RXRG: variants seen among roughly 807,000 people sequenced by gnomAD.
The protein encoded by RXRG is retinoic acid receptor RXR-gamma.
RXRG carries 19 observed loss-of-function variants against 49.2 expected under a neutral mutation model. The observed-to-expected ratio is 0.39, with a 90% CI of 0.27 to 0.57. The LOEUF (loss-of-function observed/expected upper bound fraction) is 0.57, where lower values mean the gene tolerates loss of function less well. Ranked by LOEUF, RXRG falls within the 20% of genes least tolerant of loss-of-function variation. The pLI, the probability that RXRG is intolerant of heterozygous loss-of-function variation, is 0.64. For synonymous variants in RXRG, 224 were observed against 216.6 expected, an observed-to-expected ratio of 1.03 and a Z score of -0.30; for missense variants, 452 against 592.5, an observed-to-expected ratio of 0.76 and a Z score of 2.46.
chr1:165,410,952 G>GA lies in RXRG; in HGVS notation c.779_780insT (p.Ser261LeufsTer4). ...ATGTGTGTCTAAGAGCACATACCGA[G>GA]TTCTCCATATTCATGTCACCATAGG... On this transcript the variant is annotated frameshift_variant, in exon 5 of 10. Transcript: ENST00000359842. LOFTEE classifies it high-confidence loss of function. The GA allele has an allele frequency of 6.2e-7, 1 of 1,614,058 alleles. No individual in the cohort carries two copies. The highest frequency in any genetic ancestry group is 8.5e-7 in the Non-Finnish European group (1 of 1,179,980).
At chr1:165,414,819 G>T (rs554863134) in intron 4 of RXRG, among the ~76,000 whole-genome samples, 1 of 152,194 alleles carries the variant, frequency 6.6e-6, no homozygotes, top group Non-Finnish European at 1.5e-5. Context: ...CAAGTATGAC[G>T]TAAGCACAGA....
At chr1:165,410,278 T>C (rs918203929) in intron 6 of RXRG, among the ~76,000 whole-genome samples, 1 of 151,948 alleles carries the variant, frequency 6.6e-6, no homozygotes, top group Non-Finnish European at 1.5e-5. Context: ...GTCCCAGAAA[T>C]AGGAGGCAAA....
intron 2 of RXRG, among the ~76,000 whole-genome samples, chr1:165,422,131 C>T (rs960987762): frequency 9.2e-5 from 14 of 152,136 alleles, no homozygotes; most frequent in Admixed American, 2.6e-4. Flanking sequence ...CCTTCTCCTC[C>T]GACCCTCAAC....
chr1:165,409,463 G>A (rs545840528), intron 7 of RXRG, 95 bp downstream of exon 7: 87 of 1,250,816 alleles, frequency 7.0e-5, no homozygotes, highest in Admixed American at 2.9e-4. Flanking sequence ...TCATGCCCAC[G>A]TGAGAATTCA....
At chr1:165,423,810 G>A (rs1658399559) in intron 2 of RXRG, among the ~76,000 whole-genome samples, 1 of 152,134 alleles carries the variant, frequency 6.6e-6, no homozygotes, top group African/African-American at 2.4e-5. Flanking sequence ...GCTTTCATCT[G>A]AAGAAAAGAC....
chr1:165,428,388 A>T (rs1039751658), intron 2 of RXRG, among the ~76,000 whole-genome samples: 1 of 152,226 alleles, frequency 6.6e-6, no homozygotes, highest in African/African-American at 2.4e-5. Context: ...GTGACTCAAT[A>T]AATGCTCATG....
intron 2 of RXRG, among the ~76,000 whole-genome samples, chr1:165,427,232 G>A (rs1658515030): frequency 6.6e-6 from 1 of 152,146 alleles, no homozygotes; most frequent in Non-Finnish European, 1.5e-5. Flanking sequence ...GGGGCAGCAG[G>A]GACTCTGGCT....
chr1:165,424,862 C>T (rs1007449174), intron 2 of RXRG: 2 of 985,528 alleles, frequency 2.0e-6, no homozygotes, highest in Middle Eastern at 5.2e-4. Flanking sequence ...GATCCAGAGT[C>T]CAGCTCACTG....
intron 4 of RXRG, among the ~76,000 whole-genome samples, chr1:165,411,576 G>A (rs1414722290): frequency 6.6e-6 from 1 of 152,146 alleles, no homozygotes; most frequent in African/African-American, 2.4e-5. Context: ...TCTGCCCCTA[G>A]TGCACCAGCT....
At chr1:165,411,286 G>A (rs930356871) in intron 4 of RXRG, among the ~76,000 whole-genome samples, 177 bp from the exon 5 acceptor site, 7 of 152,194 alleles carry the variant, frequency 4.6e-5, no homozygotes, top group Admixed American at 3.9e-4. Context: ...GTTTGCTTAT[G>A]CCTAAGGAGA....
intron 2 of RXRG, among the ~76,000 whole-genome samples, chr1:165,426,030 G>A (rs1658474880): frequency 6.6e-6 from 1 of 152,220 alleles, no homozygotes; most frequent in African/African-American, 2.4e-5. Flanking sequence ...TTTTTGACTG[G>A]CTGTGTGAGG....
chr1:165,409,489 G>GTATA (rs1344816745), intron 7 of RXRG, 69 bp downstream of exon 7: 9 of 1,140,268 alleles, frequency 7.9e-6, no homozygotes, highest in Admixed American at 8.3e-5. Flanking sequence ...GTACACATGT[G>GTATA]TATACACACA....
Position 165,407,886 on chromosome 1 carries a change from C to T in RXRG, c.1138+341G>A, listed in dbSNP as rs367648113. The stretch of plus-strand genomic sequence containing the variant: ...AAAAAACCCAGAGAGTCATCTATAA[C>T]TCCTTTCTTTCTTTCTCATTCTATA... On this transcript the variant is annotated intron_variant, in intron 8 of 9. Transcript: ENST00000359842. 5.3e-5 allele frequency among the ~76,000 whole-genome samples: 8 copies of T among 151,640 alleles called. No homozygotes were observed. In the South Asian group the frequency reaches 1.7e-3, roughly 32 times the overall value.
In RXRG at chr1:165,411,049, G is replaced by C. The variant is rs199977692; in HGVS notation, c.683C>G (p.Thr228Ser). The C allele has an allele frequency of 5.6e-5, 91 of 1,613,986 alleles. No individual in the cohort carries two copies. Among genetic ancestry groups the C allele is most frequent in the Non-Finnish European group, 7.4e-5 (87 of 1,180,004 alleles). ...ERAESEAECA[T>S]SGHEDMPVER... Reference sequence around the variant, plus strand: ...CACAGGCATGTCTTCATGACCACTGGTAGCACATTCTGCCTCACTCTCAGC... The same window carrying C: ...CACAGGCATGTCTTCATGACCACTGCTAGCACATTCTGCCTCACTCTCAGC... The change falls in exon 5 of 10, where the codon ACC (threonine) becomes AGC (serine). Residue 228 changes from threonine to serine, a missense_variant. Physicochemically the swap from Thr to Ser is moderately conservative, Grantham distance 58. Transcript: ENST00000359842.
At chr1:165,430,747 G>T (rs1166988844) in intron 1 of RXRG, among the ~76,000 whole-genome samples, 1 of 152,190 alleles carries the variant, frequency 6.6e-6, no homozygotes, top group Non-Finnish European at 1.5e-5. Context: ...ATAGCATCAG[G>T]CAGTTTCCAT....
chr1:165,421,910 T>C (rs926194187), intron 2 of RXRG, among the ~76,000 whole-genome samples: 14 of 152,308 alleles, frequency 9.2e-5, no homozygotes, highest in Admixed American at 3.9e-4. Flanking sequence ...GCGTGACTTC[T>C]AGGCAATAAC....
At chr1:165,429,635 A>T (rs573692816) in intron 1 of RXRG, among the ~76,000 whole-genome samples, 1 of 152,120 alleles carries the variant, frequency 6.6e-6, no homozygotes, top group Non-Finnish European at 1.5e-5. Context: ...GTACAGGGTT[A>T]ATTAGCACTC....
intron 2 of RXRG, among the ~76,000 whole-genome samples, chr1:165,425,827 T>A (rs1048762329): frequency 6.6e-6 from 1 of 152,254 alleles, no homozygotes; most frequent in African/African-American, 2.4e-5. Context: ...TGAAGTGCAA[T>A]GGATCTGCAT....
chr1:165,431,105 A>G (rs1482483000), intron 1 of RXRG, among the ~76,000 whole-genome samples: 1 of 152,188 alleles, frequency 6.6e-6, no homozygotes, highest in Non-Finnish European at 1.5e-5. Flanking sequence ...TTGTTTCTCC[A>G]TCTCTATCAG....
Sources: gnomAD v4.1 joint callset for allele counts (sites outside exome capture counted in the v4.1 genomes callset) on GRCh38, gnomAD v4.1.1 for gene constraint, MANE v1.5 for transcripts, NCBI Gene and HGNC (gene_info 2026-07-23, HGNC 2026-07-21) for gene names.